WRAP53: variants seen among roughly 807,000 people sequenced by gnomAD.
WRAP53 encodes telomerase Cajal body protein 1.
WRAP53 carries 28 observed loss-of-function variants against 56.6 expected under a neutral mutation model. That is an observed-to-expected ratio of 0.50 (90% CI 0.37 to 0.68). The LOEUF is 0.68. Among genes scored for constraint, WRAP53 ranks in the 30% least tolerant of loss-of-function variants. The probability of loss-of-function intolerance (pLI) is 0.00; values close to 1 mark genes in which losing one functional copy is unlikely to be tolerated. For missense variants in WRAP53, 671 were observed against 715.5 expected, an observed-to-expected ratio of 0.94 and a Z score of 0.71; for synonymous variants, 283 against 283.4, an observed-to-expected ratio of 1.00 and a Z score of 0.01.
intron 4 of WRAP53, among the ~76,000 whole-genome samples, chr17:7,698,971 G>A (rs180978591): frequency 6.6e-5 from 10 of 152,094 alleles, no homozygotes; most frequent in African/African-American, 2.4e-4. Context: ...CCAGGGGATT[G>A]TTTGCTTGAG....
At chr17:7,695,766 A>C (rs1316882674) in intron 4 of WRAP53, among the ~76,000 whole-genome samples, 2 of 151,486 alleles carry the variant, frequency 1.3e-5, no homozygotes, top group Admixed American at 6.6e-5. Context: ...CCTGTTCCTA[A>C]CCCCTCACAT....
intron 4 of WRAP53, among the ~76,000 whole-genome samples, chr17:7,696,577 C>T (rs1173192664): frequency 1.1e-4 from 17 of 152,116 alleles, no homozygotes; most frequent in Admixed American, 1.1e-3. Flanking sequence ...GGATTACTGG[C>T]GTGAGCCACT....
At chr17:7,690,052 G>C (rs993540077) in intron 4 of WRAP53, among the ~76,000 whole-genome samples, 1 of 152,122 alleles carries the variant, frequency 6.6e-6, no homozygotes, top group Non-Finnish European at 1.5e-5. Flanking sequence ...GGGTTCAAGC[G>C]ATTCTCCTGC....
chr17:7,689,479 C>A, intron 3 of WRAP53, 111 bp from the exon 4 acceptor site: 1 of 1,287,940 alleles, frequency 7.8e-7, no homozygotes, highest in Non-Finnish European at 1.1e-6. Context: ...GTGTCTTCTA[C>A]TTCCCTCAAG....
intron 4 of WRAP53, among the ~76,000 whole-genome samples, chr17:7,699,693 A>G (rs923252159): frequency 6.7e-6 from 1 of 149,074 alleles, no homozygotes; most frequent in Non-Finnish European, 1.5e-5. Flanking sequence ...GTATGTTTGA[A>G]CTGTTTAATT....
At chr17:7,699,475 TTTATATATATA>T in intron 4 of WRAP53, among the ~76,000 whole-genome samples, 2 of 9,058 alleles carry the variant, frequency 2.2e-4, no homozygotes, top group African/African-American at 1.3e-3. Context: ...TATATATATA[TTTATATATATA>T]TATATATATA....
rs1323548512 is a variant in WRAP53, at chr17:7,688,505, G to C, written c.-58G>C. The C allele has an allele frequency of 8.2e-6, 7 of 849,418 alleles. No individual in the cohort carries two copies. The highest frequency in any genetic ancestry group is 3.4e-5 in the African/African-American group (2 of 58,450). The allele number at this position is 849,418 out of a possible 1,614,324, so 52.6% of individuals were successfully genotyped here. A position where few individuals can be genotyped will look rare whatever the true frequency, so the allele number is the denominator to read the frequency against. ...GCTTTCAAAAGAATTGGCGTCCGCTGTTCGCCTCTCCTCCCGGGAGTCTTC... is the reference window on the plus strand; with the variant it reads ...GCTTTCAAAAGAATTGGCGTCCGCTCTTCGCCTCTCCTCCCGGGAGTCTTC... On this transcript the variant is annotated 5_prime_UTR_variant, in exon 1 of 11. Transcript: ENST00000396463.
chr17:7,701,288 A>G lies in WRAP53; in HGVS notation c.732-171A>G. The stretch of plus-strand genomic sequence containing the variant: ...CCAGCCTCATTTTTGTATTTTTAGT[A>G]GAGACAGGGTTTCACCATGTTGGCC... On this transcript the variant is annotated intron_variant, in intron 5 of 10. Transcript: ENST00000396463. This position sits in a 1 kb window ranked among gnomAD's most constrained non-coding sequence, Gnocchi z 4.2. 3 of 728,492 alleles carry G rather than the reference A, an allele frequency of 4.1e-6. No homozygotes were observed. The allele number at this position is 728,492 out of a possible 1,614,324, so 45.1% of individuals were successfully genotyped here. A position where few individuals can be genotyped will look rare whatever the true frequency, so the allele number is the denominator to read the frequency against.
intron 4 of WRAP53, among the ~76,000 whole-genome samples, chr17:7,699,508 A>ATT (rs2074242599): frequency 2.3e-4 from 6 of 25,786 alleles, no homozygotes; most frequent in Non-Finnish European, 3.1e-4. Flanking sequence ...ATATTTATAT[A>ATT]TATATATATA....
Position 7,695,075 on chromosome 17 carries a change from C to T in WRAP53, c.642+5374C>T, listed in dbSNP as rs190843737. On this transcript the variant is annotated intron_variant, in intron 4 of 10. Coordinates refer to ENST00000396463, the MANE Select transcript of WRAP53 (RefSeq NM_001143992.2). The stretch of plus-strand genomic sequence containing the variant: ...TCACGCCATTCTCCTGCCTCAGCCT[C>T]TCGAGTAGCTGGGACTACACGCACC... Among the ~76,000 whole-genome samples the T allele has an allele frequency of 1.2e-3, 183 of 152,166 alleles. 2 individuals are homozygous for T. The Middle Eastern group carries it at 0.014, about 11-fold the overall frequency.
Position 7,701,465 on chromosome 17 carries a change from C to T in WRAP53, c.738C>T (p.Ala246=), listed in dbSNP as rs557295928. Residue 246 remains alanine, a synonymous_variant, in exon 6 of 11, where the codon GCC becomes GCT. Transcript: ENST00000396463. This position sits in a 1 kb window ranked among gnomAD's most constrained non-coding sequence, Gnocchi z 4.2. ...SSAQPDTSYV[A]SSSRENPIHI... ...GTGTCCATGTCTCTCTCAGCGTGGC[C>T]AGCAGCAGCCGGGAGAACCCGATTC... 6 of 1,614,086 alleles carry T rather than the reference C, an allele frequency of 3.7e-6. No homozygotes were observed. Among genetic ancestry groups the T allele is most frequent in the Non-Finnish European group, 4.2e-6 (5 of 1,180,048 alleles).
chr17:7,703,072 A>G lies in WRAP53; in HGVS notation c.1348A>G (p.Lys450Glu), dbSNP rs2074297117. 6.2e-7 allele frequency: 1 copy of G among 1,613,982 alleles called. No homozygotes were observed. Among genetic ancestry groups the G allele is most frequent in the African/African-American group, 1.3e-5 (1 of 74,904 alleles). ...WDTDGPGNDG[K>E]PEPVLSFLPQ... The stretch of plus-strand genomic sequence containing the variant: ...CACGGACGGGCCTGGCAATGATGGG[A>G]AGCCGGAGCCCGTGTTGAGTTTTCT... The change falls in exon 10 of 11, where the codon AAG becomes GAG. Residue 450 changes from lysine to glutamate, a missense_variant. Lys to Glu is a moderately conservative substitution (Grantham distance 56). Around this residue, in one of 3 missense-constraint regions of WRAP53, gnomAD observed 158 missense variants for 215.7 expected, o/e 0.73. Transcript: ENST00000396463.
intron 4 of WRAP53, among the ~76,000 whole-genome samples, chr17:7,696,502 G>A (rs575837803): frequency 1.3e-5 from 2 of 152,170 alleles, no homozygotes; most frequent in African/African-American, 4.8e-5. Flanking sequence ...GTTTCACCAC[G>A]TTAGCCAGGA....
chr17:7,701,846 G>T lies in WRAP53; in HGVS notation c.955+57G>T, dbSNP rs531783799. On this transcript the variant is annotated intron_variant, in intron 7 of 10. Coordinates refer to ENST00000396463, the MANE Select transcript of WRAP53 (RefSeq NM_001143992.2). This position sits in a 1 kb window ranked among gnomAD's most constrained non-coding sequence, Gnocchi z 4.2. ...AGGGAAGGGCACTGCCACCTGCACAGGGGCCTTTTGTGAGCCGGGGGCCAC... is the reference window on the plus strand; with the variant it reads ...AGGGAAGGGCACTGCCACCTGCACATGGGCCTTTTGTGAGCCGGGGGCCAC... The T allele has an allele frequency of 1.7e-5, 27 of 1,585,696 alleles. No homozygotes were observed. In the East Asian group the frequency reaches 6.0e-4, roughly 35 times the overall value.
At chr17:7,689,843 C>T in intron 4 of WRAP53, 142 bp downstream of exon 4, 1 of 675,314 alleles carries the variant, frequency 1.5e-6, no homozygotes, top group African/African-American at 1.8e-5. Flanking sequence ...GCGTTTTCTG[C>T]CCCGAATTCT....
chr17:7,702,304 G>A lies in WRAP53; in HGVS notation c.956-40G>A. 1.2e-6 allele frequency: 2 copies of A among 1,609,500 alleles called. No individual in the cohort carries two copies. The highest frequency in any genetic ancestry group is 1.7e-6 in the Non-Finnish European group (2 of 1,175,862). On this transcript the variant is annotated intron_variant, in intron 7 of 10. Coordinates refer to ENST00000396463, the MANE Select transcript of WRAP53 (RefSeq NM_001143992.2). The surrounding 1 kb of genome is among the most constrained non-coding windows in gnomAD (Gnocchi z 5.0). ...CTGCTTAGCCTGGTTAGTGCCAGGA[G>A]CCATTGCCCCCTCCCCCACTTTGTT...
intron 4 of WRAP53, among the ~76,000 whole-genome samples, chr17:7,694,390 G>A (rs968862059): frequency 6.6e-6 from 1 of 151,518 alleles, no homozygotes; most frequent in African/African-American, 2.4e-5. Context: ...TTACAGGCAC[G>A]CACCACCGCA....
At chr17:7,698,064 C>A (rs1348271861) in intron 4 of WRAP53, among the ~76,000 whole-genome samples, 1 of 152,054 alleles carries the variant, frequency 6.6e-6, no homozygotes, top group East Asian at 1.9e-4. Flanking sequence ...TGGGGTCTTG[C>A]TATATTGCCC....
rs148882209 is a variant in WRAP53, at chr17:7,699,810, C to T, written c.643-931C>T. ...GTGCAGTGGCAATGATCTCAGCTCA[C>T]TGTGGTCTCTATCTCCTGGGCTCAA... On this transcript the variant is annotated intron_variant, in intron 4 of 10. Transcript: ENST00000396463. 4.7e-3 allele frequency among the ~76,000 whole-genome samples: 704 copies of T among 151,386 alleles called. 4 individuals carry two copies. The highest frequency in any genetic ancestry group is 0.016 in the African/African-American group (671 of 41,258).
Sources: allele counts gnomAD v4.1 joint callset (sites outside exome capture counted in the v4.1 genomes callset), GRCh38; gene constraint gnomAD v4.1.1; regional missense constraint gnomAD v4.1.1; non-coding constraint Gnocchi (gnomAD v3.1); transcripts MANE v1.5; gene names NCBI Gene and HGNC (gene_info 2026-07-23, HGNC 2026-07-21).